PCDHA9: variants seen among roughly 807,000 people sequenced by gnomAD.
PCDHA9 encodes protocadherin alpha 9, also known as protocadherin alpha-9.
Under a neutral mutation model 62.0 loss-of-function variants are expected in PCDHA9, and 62 were observed. That is an observed-to-expected ratio of 1.00 (90% CI 0.81 to 1.23). The LOEUF (loss-of-function observed/expected upper bound fraction) is 1.23, where lower values mean the gene tolerates loss of function less well. Among genes scored for constraint, PCDHA9 ranks in the 50% most tolerant of loss-of-function variants. PCDHA9 has a pLI of 0.00. For synonymous variants in PCDHA9, 557 were observed against 567.6 expected (o/e 0.98, Z 0.27); for missense variants, 1,205 against 1,249.8 (o/e 0.96, Z 0.54).
intron 1 of PCDHA9, among the ~76,000 whole-genome samples, chr5:140,890,753 C>A (rs1274674281): frequency 3.3e-5 from 5 of 152,114 alleles, no homozygotes; most frequent in Admixed American, 2.6e-4. Flanking sequence ...TTCTGTCATG[C>A]TTTAAAAATA....
At chr5:140,871,729 G>A in intron 1 of PCDHA9, 1 of 714,516 alleles carries the variant, frequency 1.4e-6, no homozygotes, top group Non-Finnish European at 2.2e-6. Flanking sequence ...TTAATATTTG[G>A]TTAGCAAATC....
At chr5:140,868,823 G>T (rs576498570) in intron 1 of PCDHA9, 2 of 397,532 alleles carry the variant, frequency 5.0e-6, no homozygotes, top group East Asian at 8.3e-5. Flanking sequence ...ATATTTGGGG[G>T]AAGAAACCCA....
intron 1 of PCDHA9, chr5:140,883,099 A>C: frequency 6.2e-7 from 1 of 1,614,150 alleles, no homozygotes. Flanking sequence ...ATGGAGATAT[A>C]GTTTACTCAT....
intron 1 of PCDHA9, among the ~76,000 whole-genome samples, chr5:140,899,416 G>T (rs1442946841): frequency 6.6e-6 from 1 of 152,148 alleles, no homozygotes; most frequent in Admixed American, 6.5e-5. Flanking sequence ...GTTGAATTTT[G>T]TCAAAGGTCT....
chr5:140,946,491 G>T (rs1292553232), intron 1 of PCDHA9, among the ~76,000 whole-genome samples: 2 of 151,676 alleles, frequency 1.3e-5, no homozygotes, highest in Middle Eastern at 3.4e-3. Context: ...CAAAGGAAAT[G>T]AAATCAGTAT....
At chr5:141,007,677 T>C (rs2098339934) in intron 3 of PCDHA9, among the ~76,000 whole-genome samples, 1 of 152,158 alleles carries the variant, frequency 6.6e-6, no homozygotes, top group South Asian at 2.1e-4. Flanking sequence ...AGACAAAAGT[T>C]ATCCTACTTC....
At chr5:140,863,709 C>G (rs537647529) in intron 1 of PCDHA9, 1 of 285,634 alleles carries the variant, frequency 3.5e-6, no homozygotes, top group East Asian at 9.1e-5. Context: ...TTAAAGTACA[C>G]TGGGGCCGGG....
In PCDHA9 at chr5:140,857,500, G is replaced by A; in HGVS notation, c.2394+6611G>A. On this transcript the variant is annotated intron_variant, in intron 1 of 3. Transcript: ENST00000532602. The stretch of plus-strand genomic sequence containing the variant: ...TGTCTGCGTGGGACGCGGACGCGCA[G>A]GAGAACGCCCTGGTGTCCTACTCTC... 1.3e-6 allele frequency: 2 copies of A among 1,598,362 alleles called. 1 individual carries two copies. Among genetic ancestry groups the A allele is most frequent in the Non-Finnish European group, 1.7e-6 (2 of 1,167,860 alleles).
Position 140,855,115 on chromosome 5 carries a change from T to G in PCDHA9, c.2394+4226T>G, listed in dbSNP as rs1220920177. On this transcript the variant is annotated intron_variant, in intron 1 of 3. Coordinates refer to ENST00000532602, the MANE Select transcript of PCDHA9 (RefSeq NM_031857.2). ...TGTGCAGTAGCAATAATTAAGGCAT[T>G]CTATAGGTAATAATTTTGCCTGATG... 1.3e-5 allele frequency among the ~76,000 whole-genome samples: 2 copies of G among 149,816 alleles called. 1 individual carries two copies. The highest frequency in any genetic ancestry group is 3.0e-5 in the Non-Finnish European group (2 of 67,072).
intron 1 of PCDHA9, chr5:140,884,779 G>C: frequency 1.4e-6 from 2 of 1,404,226 alleles, no homozygotes; most frequent in Non-Finnish European, 1.9e-6. Context: ...TTTTAATTTT[G>C]CTAGTTGTTA....
intron 3 of PCDHA9, 123 bp downstream of exon 3, chr5:140,982,686 C>T: frequency 2.8e-6 from 4 of 1,418,870 alleles, no homozygotes; most frequent in Non-Finnish European, 3.7e-6. Context: ...TCCCTTTTTT[C>T]CATACATACA....
chr5:140,925,320 C>T (rs1201662507), intron 1 of PCDHA9, among the ~76,000 whole-genome samples: 1 of 152,016 alleles, frequency 6.6e-6, no homozygotes, highest in Non-Finnish European at 1.5e-5. Context: ...ACATATTGCA[C>T]CTGTATTAAA....
chr5:140,918,625 C>T (rs1365715302), intron 1 of PCDHA9, among the ~76,000 whole-genome samples: 2 of 152,086 alleles, frequency 1.3e-5, no homozygotes, highest in Non-Finnish European at 2.9e-5. Context: ...TTTGTGTTCC[C>T]CAAATTCATA....
At chr5:140,950,882 G>C (rs1182849126) in intron 1 of PCDHA9, among the ~76,000 whole-genome samples, 1 of 151,764 alleles carries the variant, frequency 6.6e-6, no homozygotes, top group Non-Finnish European at 1.5e-5. Flanking sequence ...TTGTTCAATA[G>C]GTCTCTGAGA....
chr5:140,876,792 A>G (rs782210017), intron 1 of PCDHA9: 98 of 1,613,998 alleles, frequency 6.1e-5, no homozygotes, highest in Non-Finnish European at 7.5e-5. Flanking sequence ...CCACGGCTAG[A>G]GTGTCCGTGG....
intron 1 of PCDHA9, chr5:140,927,524 C>G (rs781824669): frequency 1.2e-6 from 2 of 1,614,104 alleles, no homozygotes; most frequent in Admixed American, 1.7e-5. Flanking sequence ...GGCGGGCTAC[C>G]TGCCCGCTCA....
At chr5:140,870,524 TCA>T (rs782755570) in intron 1 of PCDHA9, 1 of 1,614,194 alleles carries the variant, frequency 6.2e-7, no homozygotes, top group Non-Finnish European at 8.5e-7. Context: ...TGCCACATCT[TCA>T]CAGTGTCGGC....
At position 140,852,693 on chromosome 5, in the gene PCDHA9, C is replaced by T. The variant is rs138488585; in HGVS notation, c.2394+1804C>T. 6.9e-4 allele frequency: 673 copies of T among 973,480 alleles called. 53 individuals carry two copies. Among genetic ancestry groups the T allele is most frequent in the African/African-American group, 2.3e-3 (127 of 56,176 alleles). The allele number at this position is 973,480 out of a possible 1,614,324, so 60.3% of individuals were successfully genotyped here. A position where few individuals can be genotyped will look rare whatever the true frequency, so the allele number is the denominator to read the frequency against. Reference sequence around the variant, plus strand: ...AACTCACCTTGAATATAGTCTTATACTTTCAAGTATCTTTGTCTTTGCACG... The same window carrying T: ...AACTCACCTTGAATATAGTCTTATATTTTCAAGTATCTTTGTCTTTGCACG... On this transcript the variant is annotated intron_variant, in intron 1 of 3. Transcript: ENST00000532602.
intron 1 of PCDHA9, chr5:140,969,137 T>A (rs1326685727): frequency 6.2e-7 from 1 of 1,614,036 alleles, no homozygotes. Flanking sequence ...CACCAAGACC[T>A]ACTGCTACAA....
Sources: gnomAD v4.1 joint callset for allele counts (sites outside exome capture counted in the v4.1 genomes callset) on GRCh38, gnomAD v4.1.1 for gene constraint, MANE v1.5 for transcripts, NCBI Gene and HGNC (gene_info 2026-07-23, HGNC 2026-07-21) for gene names.